The following FIP1L1 variants were observed in gnomAD, a reference collection of about 807,000 sequenced individuals.
FIP1L1 encodes the protein pre-mRNA 3'-end-processing factor FIP1.
Under a neutral mutation model 84.6 loss-of-function variants are expected in FIP1L1, and 21 were observed. The ratio of observed to expected loss-of-function variants is 0.25; its 90% CI spans 0.18 to 0.36. FIP1L1 has a LOEUF of 0.36. Among genes scored for constraint, FIP1L1 ranks in the 10% least tolerant of loss-of-function variants. The pLI, the probability that FIP1L1 is intolerant of heterozygous loss-of-function variation, is 1.00. For missense variants in FIP1L1, 526 were observed against 751.1 expected (o/e 0.70, Z 3.50); for synonymous variants, 263 against 242.3 (o/e 1.09, Z -0.80).
At chr4:53,390,893 A>G in intron 7 of FIP1L1, 116 bp from the exon 8 acceptor site, 3 of 864,468 alleles carry the variant, frequency 3.5e-6, no homozygotes, top group Non-Finnish European at 5.1e-6. Context: ...ACCATAAATG[A>G]TAGAGTGATA....
At chr4:53,406,300 C>T (rs1272406058) in intron 10 of FIP1L1, among the ~76,000 whole-genome samples, 1 of 152,132 alleles carries the variant, frequency 6.6e-6, no homozygotes, top group Admixed American at 6.5e-5. Context: ...TGTTTATATG[C>T]TGAATTACAT....
intron 5 of FIP1L1, among the ~76,000 whole-genome samples, chr4:53,385,674 T>C (rs1420192890): frequency 1.3e-5 from 2 of 152,166 alleles, no homozygotes; most frequent in African/African-American, 4.8e-5. Flanking sequence ...AATTTTCAAA[T>C]GCTCACAAAA....
chr4:53,438,924 G>T (rs1409800088), intron 13 of FIP1L1, among the ~76,000 whole-genome samples: 1 of 152,026 alleles, frequency 6.6e-6, no homozygotes, highest in Non-Finnish European at 1.5e-5. Flanking sequence ...AATCATTTAG[G>T]TAAAGTTATT....
At position 53,425,982 on chromosome 4, in the gene FIP1L1, T is replaced by C; in HGVS notation, c.1017+17T>C. ...AACATACAGGTTTAGTATTTTAAAA[T>C]AAATAATTTTCTTTAACTGAAGGAT... On this transcript the variant is annotated intron_variant, in intron 12 of 17. Transcript: ENST00000337488. 6.4e-7 allele frequency: 1 copy of C among 1,558,546 alleles called. No homozygotes were observed. Among genetic ancestry groups the C allele is most frequent in the Non-Finnish European group, 8.8e-7 (1 of 1,140,230 alleles).
At chr4:53,409,585 C>G (rs1018131242) in intron 10 of FIP1L1, among the ~76,000 whole-genome samples, 25 of 152,222 alleles carry the variant, frequency 1.6e-4, no homozygotes, top group Non-Finnish European at 2.2e-4. Flanking sequence ...TGTGCCCTGC[C>G]CCCAGTAGTG....
chr4:53,446,794 A>G lies in FIP1L1; in HGVS notation c.1285+2691A>G, dbSNP rs1774370817. On this transcript the variant is annotated intron_variant, in intron 15 of 17. Transcript: ENST00000337488. ...GAGTAATTCTTGAGATTACCCATTC[A>G]GTTTCATTACAGAATATTTTATTTT... Among the ~76,000 whole-genome samples, 6 of 152,306 alleles carry G rather than the reference A, an allele frequency of 3.9e-5. No individual in the cohort carries two copies. The South Asian group carries it at 1.2e-3, about 32-fold the overall frequency.
At position 53,406,216 on chromosome 4, in the gene FIP1L1, A is replaced by C. The variant is rs536367604; in HGVS notation, c.815+6377A>C. On this transcript the variant is annotated intron_variant, in intron 10 of 17. Transcript: ENST00000337488. ...ACCTAATTTATTGAGAGTTTTTAGC[A>C]TGAAGGGTTGTTGAATTTTGTCAAA... is the stretch of plus-strand genomic sequence containing the variant. Among the ~76,000 whole-genome samples, 102 of 147,298 alleles carry C rather than the reference A, an allele frequency of 6.9e-4. No individual in the cohort carries two copies. The East Asian group carries it at 0.011, about 16-fold the overall frequency.
At chr4:53,405,676 T>A (rs1374249316) in intron 10 of FIP1L1, among the ~76,000 whole-genome samples, 1 of 145,826 alleles carries the variant, frequency 6.9e-6, no homozygotes, top group African/African-American at 2.6e-5. Context: ...TGTCCTCTTT[T>A]ATTTCCTTGA....
chr4:53,410,788 C>A (rs1756827085), intron 10 of FIP1L1, among the ~76,000 whole-genome samples: 1 of 152,090 alleles, frequency 6.6e-6, no homozygotes, highest in Non-Finnish European at 1.5e-5. Flanking sequence ...CCTAATTGTT[C>A]TCTTTTATTA....
At chr4:53,424,804 A>T (rs1763695589) in intron 11 of FIP1L1, among the ~76,000 whole-genome samples, 1 of 152,098 alleles carries the variant, frequency 6.6e-6, no homozygotes, top group Non-Finnish European at 1.5e-5. Flanking sequence ...AGTCTTTGGG[A>T]TTAGAAAGAC....
In FIP1L1 at chr4:53,459,946, G is replaced by C; in HGVS notation, c.*497G>C. 4.6e-6 allele frequency: 1 copy of C among 216,654 alleles called. No homozygotes were observed. 13.4% of individuals were successfully genotyped at this position (216,654 alleles called of 1,614,324 possible). On this transcript the variant is annotated 3_prime_UTR_variant, in exon 18 of 18. Coordinates refer to ENST00000337488, the MANE Select transcript of FIP1L1 (RefSeq NM_030917.4). ...TACATTTTTGATATCACAACTTTTT[G>C]ATGGCTTTTCAATATTCTAAATTTG... is the stretch of plus-strand genomic sequence containing the variant.
chr4:53,443,687 T>G (rs914371543), intron 14 of FIP1L1, among the ~76,000 whole-genome samples: 2 of 152,188 alleles, frequency 1.3e-5, no homozygotes, highest in African/African-American at 4.8e-5. Context: ...ATCCTGTCAG[T>G]GGGGCTGAAT....
At chr4:53,427,942 T>A (rs1185903576) in intron 12 of FIP1L1, 85 bp from the exon 13 acceptor site, 3 of 1,174,320 alleles carry the variant, frequency 2.6e-6, no homozygotes, top group Non-Finnish European at 3.5e-6. Flanking sequence ...TTACTTTGTT[T>A]CTTAGATTAA....
Position 53,459,277 on chromosome 4 carries a change from CTTTTTTTTTTT to C in FIP1L1, c.1638-15_1638-5del. 1.0e-6 allele frequency: 1 copy of C among 974,284 alleles called. No individual in the cohort carries two copies. The highest frequency in any genetic ancestry group is 1.4e-6 in the Non-Finnish European group (1 of 712,304). 60.4% of individuals were successfully genotyped at this position (974,284 alleles called of 1,614,324 possible). A position where few individuals can be genotyped will look rare whatever the true frequency, so the allele number is the denominator to read the frequency against. ...GATTGTGTATTTAAACAGAACACACCTTTTTTTTTTTTTTTTTTTTCCAGTAATAGTAGACG... is the reference window on the plus strand; with the variant it reads ...GATTGTGTATTTAAACAGAACACACCTTTTTTTTTCCAGTAATAGTAGACG... On this transcript the variant is annotated splice_polypyrimidine_tract_variant and intron_variant, in intron 17 of 17. Coordinates refer to ENST00000337488, the MANE Select transcript of FIP1L1 (RefSeq NM_030917.4).
intron 16 of FIP1L1, among the ~76,000 whole-genome samples, chr4:53,454,649 C>T (rs558381250): frequency 1.3e-5 from 2 of 152,186 alleles, no homozygotes; most frequent in South Asian, 2.1e-4. Context: ...CAGGCAGAGT[C>T]GATTTACCAT....
intron 14 of FIP1L1, among the ~76,000 whole-genome samples, chr4:53,443,695 A>G (rs946803906): frequency 6.6e-6 from 1 of 152,170 alleles, no homozygotes; most frequent in East Asian, 1.9e-4. Context: ...AGTGGGGCTG[A>G]ATTACTGATT....
At chr4:53,401,008 A>G (rs938953056) in intron 10 of FIP1L1, among the ~76,000 whole-genome samples, 3 of 152,174 alleles carry the variant, frequency 2.0e-5, no homozygotes, top group South Asian at 4.1e-4. Flanking sequence ...TGGAGTTCAG[A>G]TGCTGGCTCT....
chr4:53,385,453 C>T (rs933505756), intron 5 of FIP1L1, among the ~76,000 whole-genome samples: 4 of 151,834 alleles, frequency 2.6e-5, no homozygotes, highest in African/African-American at 7.3e-5. Flanking sequence ...TATTTATTAC[C>T]TTTACACACT....
Position 53,403,478 on chromosome 4 carries a change from C to T in FIP1L1, c.815+3639C>T, listed in dbSNP as rs564604105. Among the ~76,000 whole-genome samples the T allele has an allele frequency of 2.0e-5, 3 of 152,306 alleles. No individual in the cohort carries two copies. In the East Asian group the frequency reaches 5.8e-4, roughly 29 times the overall value. ...TAATCAAAATAGAAACCATTACAAT[C>T]ACATTTTTTGCCAATGAGAAATAAG... On this transcript the variant is annotated intron_variant, in intron 10 of 17. Transcript: ENST00000337488.
Sources: allele counts gnomAD v4.1 joint callset (sites outside exome capture counted in the v4.1 genomes callset), GRCh38; gene constraint gnomAD v4.1.1; transcripts MANE v1.5; gene names NCBI Gene and HGNC (gene_info 2026-07-23, HGNC 2026-07-21).